C3orf33: variants seen among roughly 807,000 people sequenced by gnomAD.
C3orf33 encodes the protein mitochondrial inner membrane subdomain organizer 1.
C3orf33 carries 23 observed loss-of-function variants against 28.7 expected under a neutral mutation model. That is an observed-to-expected ratio of 0.80 (90% confidence interval 0.58 to 1.13). The LOEUF (loss-of-function observed/expected upper bound fraction) is 1.13, where lower values mean the gene tolerates loss of function less well. Among genes scored for constraint, C3orf33 ranks in the 50% most tolerant of loss-of-function variants. C3orf33 has a pLI of 0.00. For synonymous variants in C3orf33, 119 were observed against 120.5 expected (o/e 0.99, Z 0.08); for missense variants, 327 against 353.4 (o/e 0.93, Z 0.60).
At chr3:155,786,643 G>A (rs1276069274) in intron 2 of C3orf33, among the ~76,000 whole-genome samples, 5 of 152,036 alleles carry the variant, frequency 3.3e-5, no homozygotes, top group South Asian at 4.2e-4. Flanking sequence ...CCTGGCCAAC[G>A]TGGCGAAACC....
chr3:155,772,496 A>G (rs1750620510), intron 3 of C3orf33, among the ~76,000 whole-genome samples: 1 of 152,176 alleles, frequency 6.6e-6, no homozygotes, highest in African/African-American at 2.4e-5. Flanking sequence ...AAATACTATC[A>G]GTGGATTCAT....
intron 4 of C3orf33, among the ~76,000 whole-genome samples, chr3:155,765,346 A>G (rs1750371110): frequency 6.6e-6 from 1 of 152,202 alleles, no homozygotes; most frequent in Non-Finnish European, 1.5e-5. Flanking sequence ...GTAACATAAT[A>G]TAAGCATGGC....
rs3068987 is a variant in C3orf33 at position 155,787,347 on chromosome 3, C to CT, written c.175-11500dup. The stretch of plus-strand genomic sequence containing the variant: ...CTGAGCAGCTGAGACCACAGGTATG[C>CT]TTTTTTTTTTTTTTTTTTTGGAGAC... On this transcript the variant is annotated intron_variant, in intron 2 of 4. Transcript: ENST00000340171. 9.2e-4 allele frequency among the ~76,000 whole-genome samples: 96 copies of CT among 104,080 alleles called. 1 individual carries two copies. The highest frequency in any genetic ancestry group is 1.8e-3 in the East Asian group (6 of 3,378). 68.3% of individuals were successfully genotyped at this position (104,080 alleles called of 152,430 possible).
At chr3:155,777,398 T>C (rs2109259990) in intron 2 of C3orf33, among the ~76,000 whole-genome samples, 1 of 152,288 alleles carries the variant, frequency 6.6e-6, no homozygotes, top group African/African-American at 2.4e-5. Flanking sequence ...AGATTATTGT[T>C]AATTTTATTA....
chr3:155,791,008 C>A (rs747456364), intron 2 of C3orf33, among the ~76,000 whole-genome samples: 6 of 152,168 alleles, frequency 3.9e-5, no homozygotes, highest in Admixed American at 2.0e-4. Flanking sequence ...AATACTTGTG[C>A]CCCACCTCTC....
Position 155,763,377 on chromosome 3 carries a change from A to G in C3orf33, c.*140T>C. On this transcript the variant is annotated 3_prime_UTR_variant, in exon 5 of 5. Transcript: ENST00000340171. The stretch of plus-strand genomic sequence containing the variant: ...TTCTGACATTATGCTTATAATAATC[A>G]TCTCTTTTTAATATTTAAATACCAT... The G allele has an allele frequency of 6.1e-6, 3 of 495,036 alleles. No homozygotes were observed. The highest frequency in any genetic ancestry group is 1.0e-5 in the Non-Finnish European group (3 of 299,482). 30.7% of individuals were successfully genotyped at this position (495,036 alleles called of 1,614,324 possible).
At chr3:155,766,909 C>T (rs761119827) in intron 4 of C3orf33, among the ~76,000 whole-genome samples, 46 of 151,980 alleles carry the variant, frequency 3.0e-4, no homozygotes, top group Admixed American at 5.9e-4. Context: ...AAGATCATGC[C>T]GCTGCACTCC....
intron 2 of C3orf33, among the ~76,000 whole-genome samples, chr3:155,799,831 A>G (rs1273704658): frequency 1.3e-5 from 2 of 152,218 alleles, no homozygotes; most frequent in Admixed American, 6.5e-5. Flanking sequence ...CAAACTTTGC[A>G]TGTTCTCACT....
At chr3:155,769,253 G>A (rs566213865) in intron 3 of C3orf33, among the ~76,000 whole-genome samples, 149 of 151,586 alleles carry the variant, frequency 9.8e-4, no homozygotes, top group African/African-American at 1.4e-3. Context: ...CGGAAGTTGC[G>A]GTGAGCCAAG....
chr3:155,777,654 C>T (rs1750793387), intron 2 of C3orf33, among the ~76,000 whole-genome samples: 1 of 152,056 alleles, frequency 6.6e-6, no homozygotes. Flanking sequence ...CCAGGCTGAT[C>T]TCAAATTCCT....
intron 1 of C3orf33, among the ~76,000 whole-genome samples, chr3:155,803,779 G>T (rs987067082): frequency 6.6e-6 from 1 of 151,492 alleles, no homozygotes; most frequent in East Asian, 1.9e-4. Flanking sequence ...CCACTCAGGA[G>T]GCTGAGGCAC....
intron 2 of C3orf33, among the ~76,000 whole-genome samples, chr3:155,776,759 C>CAA (rs10654812): frequency 0.021 from 1,820 of 86,610 alleles, 151 homozygotes; most frequent in African/African-American, 0.049. Flanking sequence ...CTGACTCTGT[C>CAA]AAAAAAAAAA....
chr3:155,796,522 G>A (rs1252517930), intron 2 of C3orf33, among the ~76,000 whole-genome samples: 1 of 152,150 alleles, frequency 6.6e-6, no homozygotes, highest in African/African-American at 2.4e-5. Context: ...TATCAAAGCT[G>A]TAATAAAAAC....
chr3:155,780,810 G>A (rs1389389812), intron 2 of C3orf33, among the ~76,000 whole-genome samples: 1 of 152,154 alleles, frequency 6.6e-6, no homozygotes, highest in Non-Finnish European at 1.5e-5. Context: ...ACGCTTTCCT[G>A]ACAAAGGAAA....
intron 2 of C3orf33, among the ~76,000 whole-genome samples, chr3:155,781,760 C>T (rs1361428339): frequency 3.5e-5 from 4 of 113,844 alleles, no homozygotes; most frequent in Non-Finnish European, 6.9e-5. Flanking sequence ...CAGAGTGAGA[C>T]TCTATCTCAA....
Position 155,775,823 on chromosome 3 carries a change from T to C in C3orf33, c.200A>G (p.Asp67Gly). 2 of 1,593,110 alleles carry C rather than the reference T, an allele frequency of 1.3e-6. No individual in the cohort carries two copies. Among genetic ancestry groups the C allele is most frequent in the Non-Finnish European group, 8.6e-7 (1 of 1,164,984 alleles). ...TCTTCTTATAAATTCTACTGGAATA[T>C]CCGAAGAGCTTGTAAATTTTGATGT... ...RLTSKFTSSS[D>G]IPVEFIRRNV... Residue 67 changes from aspartate (D) to glycine (G), a missense_variant, in exon 3 of 5, where the codon GAT becomes GGT. Coordinates refer to ENST00000340171, the MANE Select transcript of C3orf33 (RefSeq NM_001308229.2).
chr3:155,779,159 G>A (rs776184657), intron 2 of C3orf33, among the ~76,000 whole-genome samples: 1 of 152,080 alleles, frequency 6.6e-6, no homozygotes, highest in Non-Finnish European at 1.5e-5. Context: ...CAGAAAAAGT[G>A]CAACCTGGTC....
chr3:155,805,996 T>G, intron 1 of C3orf33, 143 bp downstream of exon 1: 1 of 557,554 alleles, frequency 1.8e-6, no homozygotes, highest in South Asian at 3.5e-5. Flanking sequence ...ACTCGCGATG[T>G]CGCCCTCTCG....
At chr3:155,792,336 A>G (rs1368973338) in intron 2 of C3orf33, among the ~76,000 whole-genome samples, 2 of 152,188 alleles carry the variant, frequency 1.3e-5, no homozygotes, top group Non-Finnish European at 2.9e-5. Flanking sequence ...GTGCATTCAA[A>G]TACCTGGAAA....
Sources: allele counts gnomAD v4.1 joint callset (sites outside exome capture counted in the v4.1 genomes callset), GRCh38; gene constraint gnomAD v4.1.1; transcripts MANE v1.5; gene names NCBI Gene and HGNC (gene_info 2026-07-23, HGNC 2026-07-21).